The following CDKN3 variants were observed in gnomAD, a reference collection of about 807,000 sequenced individuals.
CDKN3 encodes the protein cyclin dependent kinase inhibitor 3.
Under a neutral mutation model 36.1 loss-of-function variants are expected in CDKN3, and 19 were observed. The observed-to-expected ratio is 0.53, with a 90% confidence interval of 0.37 to 0.77. The LOEUF is 0.77. CDKN3 is among the 30% of genes least tolerant of loss of function. CDKN3 has a pLI of 0.00. For synonymous variants in CDKN3, 71 were observed against 85.3 expected (o/e 0.83, Z 0.92); for missense variants, 188 against 248.6 (o/e 0.76, Z 1.64).
chr14:54,414,999 CTACAATACAATACAA>C (rs533167499), intron 5 of CDKN3, among the ~76,000 whole-genome samples: 1 of 151,972 alleles, frequency 6.6e-6, no homozygotes, highest in South Asian at 2.1e-4. Flanking sequence ...ACAGCTTTAC[CTACAATACAATACAA>C]TACAATACAG....
chr14:54,400,430 C>T (rs2029900548), intron 2 of CDKN3, among the ~76,000 whole-genome samples: 1 of 152,060 alleles, frequency 6.6e-6, no homozygotes, highest in Non-Finnish European at 1.5e-5. Context: ...CTAGGTAATA[C>T]TTAGAAGTAA....
intron 6 of CDKN3, among the ~76,000 whole-genome samples, 193 bp from the exon 7 acceptor site, chr14:54,417,649 TAAACTC>T (rs1211216283): frequency 2.6e-5 from 4 of 152,204 alleles, no homozygotes; most frequent in African/African-American, 9.7e-5. Flanking sequence ...AAGCCAGTGT[TAAACTC>T]TAATTCAACC....
rs1441537737 is a variant in CDKN3 at position 54,401,566 on chromosome 14, A to T, written c.135A>T (p.Leu45Phe). The stretch of plus-strand genomic sequence containing the variant: ...TGAATTGTTCTCAGTTTCTCGGTTT[A>T]TGTGCTCTTCCAGGTGGGTAACACA... Reference protein sequence around the residue: ...SRVNCSQFLGLCALPGCKFKD... With the variant: ...SRVNCSQFLGFCALPGCKFKD... Residue 45 changes from leucine (L) to phenylalanine (F), a missense_variant, in exon 3 of 8, where the codon TTA becomes TTT. Leu to Phe is a conservative substitution (Grantham distance 22, BLOSUM62 0). Coordinates refer to ENST00000335183, the MANE Select transcript of CDKN3 (RefSeq NM_005192.4). 1 of 1,609,116 alleles carries T rather than the reference A, an allele frequency of 6.2e-7. No individual in the cohort carries two copies. The highest frequency in any genetic ancestry group is 1.7e-5 in the Admixed American group (1 of 59,864).
At position 54,420,085 on chromosome 14, in the gene CDKN3, T is replaced by G; in HGVS notation, c.*7T>G. On this transcript the variant is annotated 3_prime_UTR_variant, in exon 8 of 8. Coordinates refer to ENST00000335183, the MANE Select transcript of CDKN3 (RefSeq NM_005192.4). ...AAGATCTGTATCAAGATAAAGGAAT[T>G]CAAATAGCATATATATGACCATGTC... 6.8e-7 allele frequency: 1 copy of G among 1,475,462 alleles called. No individual in the cohort carries two copies. Among genetic ancestry groups the G allele is most frequent in the Non-Finnish European group, 9.5e-7 (1 of 1,054,368 alleles). The allele number at this position is 1,475,462 out of a possible 1,614,324, so 91.4% of individuals were successfully genotyped here. A position where few individuals can be genotyped will look rare whatever the true frequency, so the allele number is the denominator to read the frequency against.
intron 4 of CDKN3, among the ~76,000 whole-genome samples, chr14:54,409,400 C>T (rs1456077377): frequency 6.6e-6 from 1 of 152,150 alleles, no homozygotes; most frequent in Non-Finnish European, 1.5e-5. Context: ...ATGTCTCAAA[C>T]CTACTAGTCC....
Position 54,417,832 on chromosome 14 carries a change from T to G in CDKN3, c.449-16T>G, listed in dbSNP as rs1176329559. Reference sequence around the variant, plus strand: ...GTTATTTAATAACATATTATTTTTCTGTCATGTTCCATTAGTAGCTGCTTG... The same window carrying G: ...GTTATTTAATAACATATTATTTTTCGGTCATGTTCCATTAGTAGCTGCTTG... On this transcript the variant is annotated splice_polypyrimidine_tract_variant and intron_variant, in intron 6 of 7. Transcript: ENST00000335183. The G allele has an allele frequency of 4.9e-6, 7 of 1,423,598 alleles. No individual in the cohort carries two copies. The East Asian group carries it at 1.6e-4, about 34-fold the overall frequency. The allele number at this position is 1,423,598 out of a possible 1,614,324, so 88.2% of individuals were successfully genotyped here.
At chr14:54,412,526 T>A (rs747076789) in intron 5 of CDKN3, among the ~76,000 whole-genome samples, 1 of 152,156 alleles carries the variant, frequency 6.6e-6, no homozygotes, top group African/African-American at 2.4e-5. Context: ...GGCCTCTCAT[T>A]GTGTGTCAGT....
intron 6 of CDKN3, among the ~76,000 whole-genome samples, chr14:54,416,641 C>A (rs2030561793): frequency 6.6e-6 from 1 of 151,962 alleles, no homozygotes; most frequent in Non-Finnish European, 1.5e-5. Context: ...ATGGTGAAAC[C>A]CCATCTCTAC....
chr14:54,411,581 G>C lies in CDKN3; in HGVS notation c.291G>C (p.Gln97His). Residue 97 changes from glutamine to histidine, a missense_variant, in exon 5 of 8, where the codon CAG (glutamine) becomes CAC (histidine). Physicochemically the swap from Gln to His is conservative, Grantham distance 24. Coordinates refer to ENST00000335183, the MANE Select transcript of CDKN3 (RefSeq NM_005192.4). ...TCCCAAACCTTCTGGATCTCTACCA[G>C]CAATGTGGAATTATCACCCATCATC... ...YRVPNLLDLY[Q>H]QCGIITHHHP... 2.5e-6 allele frequency: 4 copies of C among 1,613,992 alleles called. No homozygotes were observed. The highest frequency in any genetic ancestry group is 3.4e-6 in the Non-Finnish European group (4 of 1,179,912).
intron 3 of CDKN3, among the ~76,000 whole-genome samples, chr14:54,405,258 A>G (rs1232377705): frequency 2.6e-5 from 4 of 152,092 alleles, no homozygotes; most frequent in African/African-American, 9.7e-5. Context: ...TTTTGCTTCC[A>G]ATTATGTGGT....
intron 1 of CDKN3, among the ~76,000 whole-genome samples, chr14:54,398,825 C>T (rs999465109): frequency 6.6e-6 from 1 of 152,056 alleles, no homozygotes; most frequent in African/African-American, 2.4e-5. Context: ...GTTATTTCAC[C>T]TACACCACCC....
intron 5 of CDKN3, 78 bp downstream of exon 5, chr14:54,411,784 G>T: frequency 1.1e-6 from 1 of 886,034 alleles, no homozygotes; most frequent in South Asian, 1.4e-5. Flanking sequence ...GCCCTATTCA[G>T]TTATCACCTA....
chr14:54,408,868 A>C, intron 4 of CDKN3, 79 bp downstream of exon 4: 1 of 1,449,024 alleles, frequency 6.9e-7, no homozygotes, highest in African/African-American at 1.5e-5. Flanking sequence ...AAAAAGAACA[A>C]ATCAGTTTTT....
At chr14:54,412,592 A>T (rs1358772506) in intron 5 of CDKN3, among the ~76,000 whole-genome samples, 1 of 152,244 alleles carries the variant, frequency 6.6e-6, no homozygotes, top group South Asian at 2.1e-4. Flanking sequence ...AAGATGGGTT[A>T]AGGAAAGGGG....
intron 2 of CDKN3, 85 bp downstream of exon 2, chr14:54,400,061 G>C: frequency 1.3e-6 from 1 of 742,404 alleles, no homozygotes; most frequent in South Asian, 1.5e-5. Context: ...AATCTTAGTA[G>C]AATGTAGTTC....
At chr14:54,411,243 T>C in intron 4 of CDKN3, 2 of 483,834 alleles carry the variant, frequency 4.1e-6, no homozygotes, top group East Asian at 6.9e-5. Context: ...AAAAAAATTT[T>C]TTGCAAGAAC....
At chr14:54,410,917 G>A (rs1467738197) in intron 4 of CDKN3, among the ~76,000 whole-genome samples, 1 of 152,076 alleles carries the variant, frequency 6.6e-6, no homozygotes, top group Non-Finnish European at 1.5e-5. Context: ...GGTGGCTCAT[G>A]CCTGTAATCC....
At chr14:54,402,307 TGC>T (rs1566704224) in intron 3 of CDKN3, among the ~76,000 whole-genome samples, 1 of 91,966 alleles carries the variant, frequency 1.1e-5, no homozygotes, top group Non-Finnish European at 2.5e-5. Context: ...GGCATGTGTG[TGC>T]GTGTGTGTGT....
intron 7 of CDKN3, among the ~76,000 whole-genome samples, chr14:54,419,434 G>T (rs2030656414): frequency 6.6e-6 from 1 of 152,122 alleles, no homozygotes. Flanking sequence ...CTTTTGGGAG[G>T]CTATTAAAAC....
Sources: allele counts gnomAD v4.1 joint callset (sites outside exome capture counted in the v4.1 genomes callset), GRCh38; gene constraint gnomAD v4.1.1; transcripts MANE v1.5; gene names NCBI Gene and HGNC (gene_info 2026-07-23, HGNC 2026-07-21).